ZNF174: variants seen among roughly 807,000 people sequenced by gnomAD.
ZNF174 encodes the protein AW-1.
Under a neutral mutation model 38.7 loss-of-function variants are expected in ZNF174, and 30 were observed. That is an observed-to-expected ratio of 0.78 (90% CI 0.58 to 1.05). The LOEUF (loss-of-function observed/expected upper bound fraction) is 1.05, where lower values mean the gene tolerates loss of function less well. ZNF174 is among the 50% of genes least tolerant of loss of function. The pLI, the probability that ZNF174 is intolerant of heterozygous loss-of-function variation, is 0.00. For missense variants in ZNF174, 499 were observed against 495.6 expected (o/e 1.01, Z -0.06); for synonymous variants, 201 against 181.7 (o/e 1.11, Z -0.86).
At chr16:3,406,825 A>G (rs1246453401) in intron 2 of ZNF174, among the ~76,000 whole-genome samples, 1 of 152,138 alleles carries the variant, frequency 6.6e-6, no homozygotes, top group Non-Finnish European at 1.5e-5. Flanking sequence ...GTCATATGTA[A>G]AATAGCACTG....
intron 2 of ZNF174, 196 bp downstream of exon 2, chr16:3,404,844 C>T: frequency 6.3e-7 from 1 of 1,591,876 alleles, no homozygotes. Context: ...TTATCGTTTT[C>T]TGTTAATGAA....
At position 3,408,962 on chromosome 16, in the gene ZNF174, G is replaced by T. The variant is rs746114703; in HGVS notation, c.*43G>T. On this transcript the variant is annotated 3_prime_UTR_variant, in exon 3 of 3. Transcript: ENST00000268655. ...TTAGATTCACACGGAAGGTGTTTGT[G>T]TTTCTCCTCCCCCTTACTTGCATGT... 3.3e-6 allele frequency: 5 copies of T among 1,527,362 alleles called. No individual in the cohort carries two copies. The highest frequency in any genetic ancestry group is 8.9e-7 in the Non-Finnish European group (1 of 1,129,690). The allele number at this position is 1,527,362 out of a possible 1,614,324, so 94.6% of individuals were successfully genotyped here. A position where few individuals can be genotyped will look rare whatever the true frequency, so the allele number is the denominator to read the frequency against.
In ZNF174 at chr16:3,401,590, T is replaced by C. The variant is rs1196369902; in HGVS notation, c.-415T>C. 1 of 185,266 alleles carries C rather than the reference T, an allele frequency of 5.4e-6. No homozygotes were observed. Among genetic ancestry groups the C allele is most frequent in the Non-Finnish European group, 1.1e-5 (1 of 89,510 alleles). 11.5% of individuals were successfully genotyped at this position (185,266 alleles called of 1,614,324 possible). On this transcript the variant is annotated 5_prime_UTR_variant, in exon 1 of 3. It removes an upstream start codon present in the reference 5' UTR. Coordinates refer to ENST00000268655, the MANE Select transcript of ZNF174 (RefSeq NM_003450.3). The stretch of plus-strand genomic sequence containing the variant: ...TGCACCCGGTCGGTTTCCGCCAGGA[T>C]GCGGGAGAGTTGGGGCAAGCTACCT...
In ZNF174 at chr16:3,402,046, A is replaced by G; in HGVS notation, c.42A>G (p.Glu14=). ...KMEITLSSNT[E]ASSKQERHII... ...AGATAACTTTAAGCTCCAACACTGA[A>G]GCTTCCTCCAAGCAAGAGAGACACA... Residue 14 remains glutamate (E), a synonymous_variant, in exon 1 of 3, where the codon GAA becomes GAG. Coordinates refer to ENST00000268655, the MANE Select transcript of ZNF174 (RefSeq NM_003450.3). The G allele has an allele frequency of 6.2e-7, 1 of 1,613,770 alleles. No individual in the cohort carries two copies. Among genetic ancestry groups the G allele is most frequent in the Non-Finnish European group, 8.5e-7 (1 of 1,179,968 alleles).
chr16:3,408,901 A>T lies in ZNF174; in HGVS notation c.1206A>T (p.Arg402=). ...GCTCAAACCTTCACCAGCATCACCG[A>T]CTTCACCATGGGGACTAAAAGGAGC... The part of the protein sequence containing the change: ...RQSSNLHQHH[R]LHHGD The change falls in exon 3 of 3, where the codon CGA becomes CGT. Residue 402 remains arginine, a synonymous_variant. Transcript: ENST00000268655. The T allele has an allele frequency of 6.2e-7, 1 of 1,609,596 alleles. No homozygotes were observed. The highest frequency in any genetic ancestry group is 1.1e-5 in the South Asian group (1 of 90,782).
chr16:3,408,744 G>A lies in ZNF174; in HGVS notation c.1049G>A (p.Gly350Glu). Residue 350 changes from glycine to glutamate, a missense_variant, in exon 3 of 3, where the codon GGA becomes GAA. Coordinates refer to ENST00000268655, the MANE Select transcript of ZNF174 (RefSeq NM_003450.3). ...ELKRHKRVHT[G>E]ERPYTCGECG... ...AAGAGACACAAGAGAGTCCACACAG[G>A]AGAGAGACCCTACACGTGCGGAGAG... 6.2e-7 allele frequency: 1 copy of A among 1,614,142 alleles called. No homozygotes were observed.
Position 3,408,566 on chromosome 16 carries a change from A to G in ZNF174, c.871A>G (p.Ser291Gly). ...RVEYISSPLK[S>G]HPLRELKKSK... ...GGAATACATCAGCAGCCCCCTAAAA[A>G]GCCACCCACTGAGAGAGCTAAAGAA... is the stretch of plus-strand genomic sequence containing the variant. Residue 291 changes from serine (S) to glycine (G), a missense_variant, in exon 3 of 3, where the codon AGC (serine) becomes GGC (glycine). Ser to Gly is a moderately conservative substitution (Grantham distance 56, BLOSUM62 0). Transcript: ENST00000268655. 1 of 1,614,216 alleles carries G rather than the reference A, an allele frequency of 6.2e-7. No homozygotes were observed. Among genetic ancestry groups the G allele is most frequent in the South Asian group, 1.1e-5 (1 of 91,090 alleles).
chr16:3,405,140 C>G, intron 2 of ZNF174: 1 of 1,375,562 alleles, frequency 7.3e-7, no homozygotes, highest in Non-Finnish European at 9.6e-7. Flanking sequence ...TGGCCTTGTT[C>G]TACACAGTCC....
At position 3,408,441 on chromosome 16, in the gene ZNF174, C is replaced by G; in HGVS notation, c.746C>G (p.Pro249Arg). 1 of 1,614,130 alleles carries G rather than the reference C, an allele frequency of 6.2e-7. No homozygotes were observed. Residue 249 changes from proline (P) to arginine (R), a missense_variant, in exon 3 of 3, where the codon CCA becomes CGA. By Grantham distance (103) the Pro-to-Arg change is moderately radical (BLOSUM62 -2). Transcript: ENST00000268655. ...GGGAATGGTCTGCAGAATCCTGAACCAAGAGGGGCAAATATGAGTGAACCT... is the reference window on the plus strand; with the variant it reads ...GGGAATGGTCTGCAGAATCCTGAACGAAGAGGGGCAAATATGAGTGAACCT... ...SKGNGLQNPE[P>R]RGANMSEPRL...
At chr16:3,405,155 A>T in intron 2 of ZNF174, 1 of 1,307,020 alleles carries the variant, frequency 7.7e-7, no homozygotes, top group Non-Finnish European at 1.0e-6. Context: ...CAGTCCTGTG[A>T]TCTCTAAGCC....
chr16:3,405,108 GGT>G, intron 2 of ZNF174: 1 of 1,465,354 alleles, frequency 6.8e-7, no homozygotes, highest in Non-Finnish European at 9.1e-7. Context: ...CCCTTTCTCT[GGT>G]GTGATACTTG....
Position 3,405,036 on chromosome 16 carries a change from A to G in ZNF174, c.625+388A>G, listed in dbSNP as rs139290416. 6.0e-4 allele frequency: 955 copies of G among 1,592,962 alleles called. 6 individuals are homozygous for G. The African/African-American group carries it at 0.01, about 17-fold the overall frequency. ...CCTGGTAGAAATAAAAACCCACCCT[A>G]TATCTTATATCTTTGTCCTCCTCTG... On this transcript the variant is annotated intron_variant, in intron 2 of 2. Coordinates refer to ENST00000268655, the MANE Select transcript of ZNF174 (RefSeq NM_003450.3).
chr16:3,409,321 A>C lies in ZNF174; in HGVS notation c.*402A>C. 1 of 171,552 alleles carries C rather than the reference A, an allele frequency of 5.8e-6. No homozygotes were observed. The highest frequency in any genetic ancestry group is 1.3e-5 in the Non-Finnish European group (1 of 78,128). The allele number at this position is 171,552 out of a possible 1,614,324, so 10.6% of individuals were successfully genotyped here. On this transcript the variant is annotated 3_prime_UTR_variant, in exon 3 of 3. Transcript: ENST00000268655. ...TTGCTGTCATACCAGACAATTTTTT[A>C]TCATGAGCACACTTCTTTAATAAAG... is the stretch of plus-strand genomic sequence containing the variant.
rs1567341109 is a variant in ZNF174, at chr16:3,404,609, C to A, written c.586C>A (p.Pro196Thr). 1 of 1,614,072 alleles carries A rather than the reference C, an allele frequency of 6.2e-7. No individual in the cohort carries two copies. Among genetic ancestry groups the A allele is most frequent in the African/African-American group, 1.3e-5 (1 of 74,932 alleles). ...GAGCCCCCATCATTGGGAGAAATCCCCACTCCTCCAAGAACCAACCCCCAA... is the reference window on the plus strand; with the variant it reads ...GAGCCCCCATCATTGGGAGAAATCCACACTCCTCCAAGAACCAACCCCCAA... ...RLSPHHWEKS[P>T]LLQEPTPKLA... Residue 196 changes from proline to threonine, a missense_variant, in exon 2 of 3, where the codon CCA (proline) becomes ACA (threonine). Pro to Thr is a conservative substitution (Grantham distance 38). Coordinates refer to ENST00000268655, the MANE Select transcript of ZNF174 (RefSeq NM_003450.3).
chr16:3,406,585 G>A (rs1457342726), intron 2 of ZNF174, among the ~76,000 whole-genome samples: 3 of 152,108 alleles, frequency 2.0e-5, no homozygotes, highest in Non-Finnish European at 4.4e-5. Flanking sequence ...TATCTTGTGT[G>A]GAAAAATATC....
chr16:3,408,796 A>G lies in ZNF174; in HGVS notation c.1101A>G (p.Ser367=). 1.2e-6 allele frequency: 2 copies of G among 1,613,966 alleles called. No individual in the cohort carries two copies. Among genetic ancestry groups the G allele is most frequent in the Non-Finnish European group, 1.7e-6 (2 of 1,179,980 alleles). ...GTGGAAACTGCTTTGGGCGGCAGTCAACCCTGAAGCTGCACCAGAGGATCC... is the reference window on the plus strand; with the variant it reads ...GTGGAAACTGCTTTGGGCGGCAGTCGACCCTGAAGCTGCACCAGAGGATCC... ...GECGNCFGRQ[S]TLKLHQRIHT... Residue 367 remains serine, a synonymous_variant, in exon 3 of 3, where the codon TCA becomes TCG. Coordinates refer to ENST00000268655, the MANE Select transcript of ZNF174 (RefSeq NM_003450.3).
Position 3,408,914 on chromosome 16 carries a change from G to A in ZNF174, c.1219G>A (p.Asp407Asn). ...CCAGCATCACCGACTTCACCATGGG[G>A]ACTAAAAGGAGCACTCCATGCTTTA... ...LHQHHRLHHG[D>N] Residue 407 changes from aspartate (D) to asparagine (N), a missense_variant, in exon 3 of 3, where the codon GAC (aspartate) becomes AAC (asparagine). Physicochemically the swap from Asp to Asn is conservative, Grantham distance 23. Coordinates refer to ENST00000268655, the MANE Select transcript of ZNF174 (RefSeq NM_003450.3). The A allele has an allele frequency of 6.2e-7, 1 of 1,604,554 alleles. No homozygotes were observed. Among genetic ancestry groups the A allele is most frequent in the Non-Finnish European group, 8.5e-7 (1 of 1,174,286 alleles).
chr16:3,401,337 C>T lies in ZNF174; in HGVS notation c.-668C>T, dbSNP rs1567336749. 2 of 152,416 alleles carry T rather than the reference C, an allele frequency of 1.3e-5. No individual in the cohort carries two copies. The highest frequency in any genetic ancestry group is 2.1e-4 in the South Asian group (1 of 4,852). The allele number at this position is 152,416 out of a possible 1,614,324, so 9.4% of individuals were successfully genotyped here. The stretch of plus-strand genomic sequence containing the variant: ...GGGTACCGGTGTCGCAGTCGCCAGT[C>T]CGAGCTCACACCGGGCGTGGAGTTC... On this transcript the variant is annotated 5_prime_UTR_variant, in exon 1 of 3. Coordinates refer to ENST00000268655, the MANE Select transcript of ZNF174 (RefSeq NM_003450.3).
chr16:3,406,303 CCT>C (rs2034055107), intron 2 of ZNF174, among the ~76,000 whole-genome samples: 1 of 152,126 alleles, frequency 6.6e-6, no homozygotes, highest in Non-Finnish European at 1.5e-5. Flanking sequence ...TGAGTATATA[CCT>C]AGGAGTGGAA....
Sources: gnomAD v4.1 joint callset for allele counts (sites outside exome capture counted in the v4.1 genomes callset) on GRCh38, gnomAD v4.1.1 for gene constraint, MANE v1.5 for transcripts, NCBI Gene and HGNC (gene_info 2026-07-23, HGNC 2026-07-21) for gene names.